Variants in ZNF536 observed in about 807,000 individuals in gnomAD.
ZNF536 encodes zinc finger protein 536.
Under a neutral mutation model 84.5 loss-of-function variants are expected in ZNF536, and 13 were observed. That is an observed-to-expected ratio of 0.15 (90% CI 0.10 to 0.24). ZNF536 has a LOEUF of 0.24. Among genes scored for constraint, ZNF536 ranks in the 10% least tolerant of loss-of-function variants. The probability of loss-of-function intolerance (pLI) is 1.00; values close to 1 mark genes in which losing one functional copy is unlikely to be tolerated. For missense variants in ZNF536, 1,536 were observed against 1,747.5 expected (o/e 0.88, Z 2.16); for synonymous variants, 811 against 742.5 (o/e 1.09, Z -1.50).
intron 3 of ZNF536, among the ~76,000 whole-genome samples, chr19:30,360,591 G>A (rs1176092325): frequency 6.6e-6 from 1 of 151,952 alleles, no homozygotes; most frequent in African/African-American, 2.4e-5. Context: ...ATTCTTTTTT[G>A]GTCAGATGAC....
chr19:30,611,771 T>C (rs2048113608), intron 1 of ZNF536, among the ~76,000 whole-genome samples: 1 of 152,254 alleles, frequency 6.6e-6, no homozygotes, highest in African/African-American at 2.4e-5. Context: ...TTTCCAGTAC[T>C]TAAAGTAATT....
At chr19:30,509,679 G>A (rs1420393423) in intron 2 of ZNF536, among the ~76,000 whole-genome samples, 1 of 151,978 alleles carries the variant, frequency 6.6e-6, no homozygotes, top group East Asian at 1.9e-4. Flanking sequence ...TGTGGCAAGA[G>A]CAGCTAAAAT....
intron 1 of ZNF536, among the ~76,000 whole-genome samples, chr19:30,249,618 T>A (rs932867943): frequency 3.3e-5 from 5 of 152,166 alleles, no homozygotes; most frequent in Non-Finnish European, 7.3e-5. Flanking sequence ...GCACCCCACC[T>A]TGGGTGATGG....
At chr19:30,706,088 T>C (rs1053306834) in intron 1 of ZNF536, among the ~76,000 whole-genome samples, 15 of 152,342 alleles carry the variant, frequency 9.8e-5, no homozygotes, top group African/African-American at 2.9e-4. Flanking sequence ...AAGAGGCACG[T>C]TGCATCACTC....
chr19:30,586,548 C>T (rs2047102662), intron 1 of ZNF536, among the ~76,000 whole-genome samples: 1 of 152,194 alleles, frequency 6.6e-6, no homozygotes, highest in African/African-American at 2.4e-5. Context: ...GCCTTCCTTT[C>T]CCCTTCTGGT....
intron 2 of ZNF536, among the ~76,000 whole-genome samples, chr19:30,461,928 C>T (rs2053157133): frequency 6.6e-6 from 1 of 152,182 alleles, no homozygotes; most frequent in Admixed American, 6.5e-5. Context: ...GTCAGCTCTC[C>T]ACCCCCACCC....
In ZNF536 at chr19:30,328,545, C is replaced by T. The variant is rs574172654; in HGVS notation, c.-119-23823C>T. ...ATTGCGTATTCAATAAATGGTGATG[C>T]ATTGTTCTGGCTGTCCACGTAGCCC... On this transcript the variant is annotated intron_variant, in intron 2 of 5. Coordinates refer to the ZNF536 transcript ENST00000585628. 2.0e-5 allele frequency among the ~76,000 whole-genome samples: 3 copies of T among 152,304 alleles called. No individual in the cohort carries two copies. In the South Asian group the frequency reaches 6.2e-4, roughly 32 times the overall value.
chr19:30,674,358 G>A (rs778118027), intron 1 of ZNF536, among the ~76,000 whole-genome samples: 1 of 152,256 alleles, frequency 6.6e-6, no homozygotes, highest in Non-Finnish European at 1.5e-5. Context: ...ATAGAGTCAG[G>A]TGAAAGAGGA....
intron 2 of ZNF536, among the ~76,000 whole-genome samples, chr19:30,527,584 C>G (rs7248805): frequency 0.31 from 46,658 of 151,462 alleles, 8,177 homozygotes; most frequent in African/African-American, 0.49. Context: ...TAAAATTGAG[C>G]ACTCTGATGC....
chr19:30,264,017 T>C (rs891621794), intron 1 of ZNF536, among the ~76,000 whole-genome samples: 2 of 152,224 alleles, frequency 1.3e-5, no homozygotes, highest in African/African-American at 4.8e-5. Context: ...CTGGTGAACT[T>C]GAAAGGTTAG....
chr19:30,541,570 AATTG>A (rs1316941685), intron 3 of ZNF536, among the ~76,000 whole-genome samples: 1 of 152,184 alleles, frequency 6.6e-6, no homozygotes, highest in Non-Finnish European at 1.5e-5. Flanking sequence ...TGTTGAAAAT[AATTG>A]ATTGAATTTA....
At chr19:30,685,079 G>C (rs1490574240) in intron 1 of ZNF536, among the ~76,000 whole-genome samples, 1 of 152,172 alleles carries the variant, frequency 6.6e-6, no homozygotes, top group Non-Finnish European at 1.5e-5. Flanking sequence ...CAGATGATCA[G>C]AGCCCCCTTA....
rs146261005 is a variant in ZNF536 at position 30,608,697 on chromosome 19, T to C, written c.169+59183T>C. Among the ~76,000 whole-genome samples the C allele has an allele frequency of 2.6e-5, 4 of 152,272 alleles. No individual in the cohort carries two copies. The East Asian group carries it at 7.7e-4, about 29-fold the overall frequency. On this transcript the variant is annotated intron_variant, in intron 1 of 1. Coordinates refer to the ZNF536 transcript ENST00000592773. The stretch of plus-strand genomic sequence containing the variant: ...GCAGCTTGGAGATCTAGAGTCTCGA[T>C]CACATAGTTCTTGTTGTGTGTTTCC...
chr19:30,425,849 G>A (rs2051190312), intron 1 of ZNF536, among the ~76,000 whole-genome samples: 1 of 152,216 alleles, frequency 6.6e-6, no homozygotes, highest in Non-Finnish European at 1.5e-5. Context: ...GTTCTCCCAT[G>A]TAGGGACTGT....
At chr19:30,270,416 T>G (rs766336559) in intron 1 of ZNF536, among the ~76,000 whole-genome samples, 3 of 152,228 alleles carry the variant, frequency 2.0e-5, no homozygotes, top group Non-Finnish European at 4.4e-5. Context: ...ACCTGAAATC[T>G]GGATAACAAC....
Position 30,286,769 on chromosome 19 carries a change from G to A in ZNF536, c.-120+2628G>A, listed in dbSNP as rs571597449. On this transcript the variant is annotated intron_variant, in intron 2 of 5. Transcript: ENST00000585628. ...TTGATACGTGTGCACCCACATACAT[G>A]TATATATTTAAATCAAGGATATAGA... 3.3e-5 allele frequency among the ~76,000 whole-genome samples: 5 copies of A among 152,278 alleles called. No individual in the cohort carries two copies. The South Asian group carries it at 1.0e-3, about 32-fold the overall frequency.
At chr19:30,613,957 C>CTAA (rs2048191895) in intron 1 of ZNF536, among the ~76,000 whole-genome samples, 1 of 152,152 alleles carries the variant, frequency 6.6e-6, no homozygotes, top group African/African-American at 2.4e-5. Flanking sequence ...CCGCCTCCTG[C>CTAA]GTTAAAGCGA....
chr19:30,353,965 T>C (rs1412696692), intron 3 of ZNF536, among the ~76,000 whole-genome samples: 1 of 152,184 alleles, frequency 6.6e-6, no homozygotes, highest in East Asian at 1.9e-4. Context: ...CAGTTTGTTC[T>C]GGAACATTCC....
intron 1 of ZNF536, among the ~76,000 whole-genome samples, chr19:30,430,978 TG>T (rs1480647868): frequency 6.6e-6 from 1 of 152,190 alleles, no homozygotes; most frequent in African/African-American, 2.4e-5. Flanking sequence ...GCCTGCCCAT[TG>T]GGAGTCCTTT....
Sources: allele counts gnomAD v4.1 joint callset (sites outside exome capture counted in the v4.1 genomes callset), GRCh38; gene constraint gnomAD v4.1.1; transcripts MANE v1.5; gene names NCBI Gene and HGNC (gene_info 2026-07-23, HGNC 2026-07-21).